STOX2: variants seen among roughly 807,000 people sequenced by gnomAD.
The protein encoded by STOX2 is storkhead-box protein 2.
Under a neutral mutation model 60.9 loss-of-function variants are expected in STOX2, and 28 were observed. That is an observed-to-expected ratio of 0.46 (90% confidence interval 0.34 to 0.63). The LOEUF (loss-of-function observed/expected upper bound fraction) is 0.63. Ranked by LOEUF, STOX2 falls within the 30% of genes least tolerant of loss-of-function variation. The pLI is 0.01. For synonymous variants in STOX2, 472 were observed against 463.9 expected (o/e 1.02, Z -0.22); for missense variants, 1,024 against 1,187.7 (o/e 0.86, Z 2.03).
At chr4:183,940,360 G>T (rs559274096) in intron 1 of STOX2, among the ~76,000 whole-genome samples, 5 of 152,202 alleles carry the variant, frequency 3.3e-5, no homozygotes, top group Non-Finnish European at 5.9e-5. Flanking sequence ...GACTAAGCAG[G>T]TGTTTATGTC....
chr4:183,918,367 T>G (rs908508687), intron 1 of STOX2, among the ~76,000 whole-genome samples: 5 of 152,170 alleles, frequency 3.3e-5, no homozygotes, highest in Non-Finnish European at 5.9e-5. Flanking sequence ...GGAATATAAC[T>G]CTAGGAGAAC....
chr4:183,986,868 G>A (rs1043111446), intron 1 of STOX2, among the ~76,000 whole-genome samples: 2 of 152,134 alleles, frequency 1.3e-5, no homozygotes, highest in Non-Finnish European at 2.9e-5. Context: ...CAGGATTTTA[G>A]CCGGGAGACC....
In STOX2 at chr4:183,948,136, T is replaced by G. The variant is rs568511330; in HGVS notation, c.166+41180T>G. Among the ~76,000 whole-genome samples the G allele has an allele frequency of 3.7e-5, 5 of 135,988 alleles. No individual in the cohort carries two copies. The East Asian group carries it at 1.1e-3, about 30-fold the overall frequency. The allele number at this position is 135,988 out of a possible 152,430, so 89.2% of individuals were successfully genotyped here. On this transcript the variant is annotated intron_variant, in intron 1 of 3. Transcript: ENST00000308497. The stretch of plus-strand genomic sequence containing the variant: ...AGGAGGCTGAGGCAGGTAAACCACT[T>G]GAACCTGGCAGGTGGAGGTTGCAGT...
chr4:183,854,189 A>C (rs1740233058), intron 1 of STOX2, among the ~76,000 whole-genome samples: 1 of 152,218 alleles, frequency 6.6e-6, no homozygotes, highest in African/African-American at 2.4e-5. Context: ...AACACATATA[A>C]GTGTCTTGAA....
chr4:183,907,009 G>A (rs1274771520), intron 1 of STOX2, 53 bp downstream of exon 1: 1 of 1,426,570 alleles, frequency 7.0e-7, no homozygotes. Context: ...GGACGTGCTC[G>A]GTACGCCGCG....
chr4:183,813,832 G>T (rs976667049), intron 1 of STOX2, among the ~76,000 whole-genome samples: 1 of 152,018 alleles, frequency 6.6e-6, no homozygotes, highest in Non-Finnish European at 1.5e-5. Flanking sequence ...TACTGACAAG[G>T]GTAAAATAAA....
At chr4:183,798,073 G>A in intron 1 of STOX2, 4 of 1,226,446 alleles carry the variant, frequency 3.3e-6, no homozygotes, top group Non-Finnish European at 4.1e-6. Flanking sequence ...CGACCGCCGC[G>A]CGCCCGTCCC....
At chr4:183,814,563 T>C (rs1462394382) in intron 1 of STOX2, among the ~76,000 whole-genome samples, 1 of 152,204 alleles carries the variant, frequency 6.6e-6, no homozygotes, top group African/African-American at 2.4e-5. Context: ...TTGAAACTGG[T>C]AATTTGCAAA....
At chr4:183,898,163 C>T (rs1741379086) in intron 1 of STOX2, among the ~76,000 whole-genome samples, 1 of 152,102 alleles carries the variant, frequency 6.6e-6, no homozygotes, top group Non-Finnish European at 1.5e-5. Flanking sequence ...TCTGCTTCCG[C>T]CCTCCCTCTC....
rs549639551 is a variant in STOX2, at chr4:183,995,839, C to T, written c.167-5486C>T. The stretch of plus-strand genomic sequence containing the variant: ...GGGGAGCCTGAACCTGCCGCAGCTC[C>T]CCAGTCTCAGCTCCCCGGGCTGCCT... On this transcript the variant is annotated intron_variant, in intron 1 of 3. Transcript: ENST00000308497. 2.3e-4 allele frequency among the ~76,000 whole-genome samples: 35 copies of T among 152,318 alleles called. No individual in the cohort carries two copies. In the South Asian group the frequency reaches 4.8e-3, roughly 21 times the overall value.
At chr4:184,014,405 C>G (rs1734282335) in intron 3 of STOX2, 3 of 151,942 alleles carry the variant, frequency 2.0e-5, no homozygotes, top group African/African-American at 7.3e-5. Flanking sequence ...CAAAGGCTGC[C>G]AGGGGTATAT....
chr4:183,953,552 G>A (rs1743155815), intron 1 of STOX2, among the ~76,000 whole-genome samples: 1 of 145,998 alleles, frequency 6.8e-6, no homozygotes, highest in Non-Finnish European at 1.5e-5. Flanking sequence ...CTATTTATGA[G>A]GTATACATGA....
intron 1 of STOX2, among the ~76,000 whole-genome samples, chr4:183,945,602 C>T (rs1033478996): frequency 6.6e-6 from 1 of 152,104 alleles, no homozygotes; most frequent in Admixed American, 6.6e-5. Flanking sequence ...AGCAGTTCTA[C>T]GCAGAAAAAG....
intron 3 of STOX2, 31 bp from the exon 4 acceptor site, chr4:184,017,058 A>G: frequency 1.3e-6 from 2 of 1,546,320 alleles, no homozygotes; most frequent in South Asian, 1.2e-5. Context: ...TGTTCCAAAC[A>G]AAACAAAACA....
chr4:183,845,073 CT>C (rs1739956074), intron 1 of STOX2, among the ~76,000 whole-genome samples: 1 of 152,220 alleles, frequency 6.6e-6, no homozygotes, highest in Non-Finnish European at 1.5e-5. Flanking sequence ...CCTTTCCAAA[CT>C]GTAGAGATGG....
At chr4:183,935,127 G>T (rs1579437575) in intron 1 of STOX2, among the ~76,000 whole-genome samples, 1 of 152,242 alleles carries the variant, frequency 6.6e-6, no homozygotes, top group East Asian at 1.9e-4. Context: ...GTAAAATGGA[G>T]TTCTGTTCTA....
intron 1 of STOX2, chr4:183,960,254 A>G (rs1349261535): frequency 6.6e-6 from 1 of 152,232 alleles, no homozygotes; most frequent in East Asian, 1.9e-4. Flanking sequence ...GGTAAGACCT[A>G]GAGTGAATGC....
intron 1 of STOX2, among the ~76,000 whole-genome samples, chr4:183,839,861 A>G (rs1340897546): frequency 5.3e-5 from 8 of 152,236 alleles, no homozygotes; most frequent in Non-Finnish European, 1.0e-4. Context: ...ATCAATTATG[A>G]AATGATAAAC....
chr4:183,983,187 C>A, intron 1 of STOX2, among the ~76,000 whole-genome samples: 1 of 152,334 alleles, frequency 6.6e-6, no homozygotes, highest in East Asian at 1.9e-4. Context: ...CCCCTTTACT[C>A]GCCCATCCTG....
Sources: gnomAD v4.1 joint callset for allele counts (sites outside exome capture counted in the v4.1 genomes callset) on GRCh38, gnomAD v4.1.1 for gene constraint, MANE v1.5 for transcripts, NCBI Gene and HGNC (gene_info 2026-07-23, HGNC 2026-07-21) for gene names.